The following ABLIM1 variants were observed in gnomAD, a reference collection of about 807,000 sequenced individuals.
The protein encoded by ABLIM1 is actin-binding LIM protein 1.
ABLIM1 carries 40 observed loss-of-function variants against 107.0 expected under a neutral mutation model. The observed-to-expected ratio is 0.37, with a 90% CI of 0.29 to 0.49. The LOEUF (loss-of-function observed/expected upper bound fraction) is 0.49, where lower values mean the gene tolerates loss of function less well. ABLIM1 is among the 20% of genes least tolerant of loss of function. ABLIM1 has a pLI of 0.97. For synonymous variants in ABLIM1, 357 were observed against 357.3 expected, an observed-to-expected ratio of 1.00 and a Z score of 0.01; for missense variants, 857 against 1,008.5, an observed-to-expected ratio of 0.85 and a Z score of 2.04.
At chr10:114,664,261 G>A (rs2079915474) in intron 1 of ABLIM1, among the ~76,000 whole-genome samples, 1 of 152,158 alleles carries the variant, frequency 6.6e-6, no homozygotes, top group Admixed American at 6.5e-5. Flanking sequence ...TTGAGACTGT[G>A]AGCTAACTAA....
the ABLIM1 span, among the ~76,000 whole-genome samples, chr10:114,789,880 C>A: frequency 6.6e-6 from 1 of 151,806 alleles, no homozygotes; most frequent in Non-Finnish European, 1.5e-5. Flanking sequence ...GCAACCTTCA[C>A]TTCCTGGGTT....
At chr10:114,576,234 C>T (rs993013733) in intron 2 of ABLIM1, among the ~76,000 whole-genome samples, 5 of 152,164 alleles carry the variant, frequency 3.3e-5, no homozygotes, top group African/African-American at 7.2e-5. Flanking sequence ...CATCTCCTTC[C>T]GACTGTGCAG....
intron 1 of ABLIM1, among the ~76,000 whole-genome samples, chr10:114,702,572 G>A (rs2081328575): frequency 6.7e-6 from 1 of 148,422 alleles, no homozygotes; most frequent in African/African-American, 2.5e-5. Flanking sequence ...TGTCTCCCAG[G>A]CTGGAGTGCA....
At chr10:114,724,996 GTTTCTCT>G (rs1663395863) in intron 1 of ABLIM1, among the ~76,000 whole-genome samples, 1 of 152,146 alleles carries the variant, frequency 6.6e-6, no homozygotes, top group Non-Finnish European at 1.5e-5. Flanking sequence ...GTAAAATGAT[GTTTCTCT>G]TTTCTCTTTT....
intron 6 of ABLIM1, among the ~76,000 whole-genome samples, chr10:114,538,468 G>T (rs1489513799): frequency 6.6e-6 from 1 of 152,154 alleles, no homozygotes; most frequent in Non-Finnish European, 1.5e-5. Flanking sequence ...TCCATCTGAG[G>T]CTCTTTCTTA....
intron 6 of ABLIM1, among the ~76,000 whole-genome samples, chr10:114,540,696 G>T (rs1041216186): frequency 3.3e-5 from 5 of 152,090 alleles, no homozygotes; most frequent in African/African-American, 1.2e-4. Context: ...TTTCTCAAAG[G>T]TCCCTCAGGT....
chr10:114,437,027 T>C (rs2059507703), intron 22 of ABLIM1, among the ~76,000 whole-genome samples: 1 of 152,194 alleles, frequency 6.6e-6, no homozygotes, highest in Non-Finnish European at 1.5e-5. Context: ...AAGGAGATCT[T>C]GGGTACATGT....
In ABLIM1 at chr10:114,608,138, G is replaced by A. The variant is rs578124831; in HGVS notation, c.245-6177C>T. Among the ~76,000 whole-genome samples the A allele has an allele frequency of 4.0e-4, 61 of 152,316 alleles. No homozygotes were observed. In the East Asian group the frequency reaches 9.4e-3, roughly 24 times the overall value. On this transcript the variant is annotated intron_variant, in intron 1 of 22. Coordinates refer to ENST00000533213, the MANE Select transcript of ABLIM1 (RefSeq NM_002313.7). ...CCAGAATTCTGGGAGGCCAAGGTGC[G>A]TGGATCATTTGAGGTCAGGAGTTCA... is the stretch of plus-strand genomic sequence containing the variant.
intron 8 of ABLIM1, among the ~76,000 whole-genome samples, chr10:114,477,639 T>A (rs1262594434): frequency 2.6e-5 from 4 of 152,186 alleles, no homozygotes; most frequent in Non-Finnish European, 4.4e-5. Flanking sequence ...GGAAGGGTCT[T>A]TAACAGCACC....
intron 1 of ABLIM1, among the ~76,000 whole-genome samples, chr10:114,618,977 G>C (rs935253342): frequency 2.6e-5 from 4 of 152,038 alleles, no homozygotes; most frequent in Non-Finnish European, 5.9e-5. Flanking sequence ...TGTTGCAAAA[G>C]TCCAAGTGCT....
rs530850385 is a variant in ABLIM1, at chr10:114,571,361, G to C, written c.609C>G (p.Asp203Glu). Residue 203 changes from aspartate (D) to glutamate (E), a missense_variant, in exon 4 of 23, where the codon GAC (aspartate) becomes GAG (glutamate). Transcript: ENST00000533213. ...GCTGTGCACAGAGTTGACAAAGGCA[G>C]TCTCTCCCATTGAATGTGACTCGGT... The part of the protein sequence containing the change: ...PGDRVTFNGR[D>E]CLCQLCAQPM... The C allele has an allele frequency of 6.2e-7, 1 of 1,614,232 alleles. No individual in the cohort carries two copies. Among genetic ancestry groups the C allele is most frequent in the South Asian group, 1.1e-5 (1 of 91,082 alleles).
the ABLIM1 span, among the ~76,000 whole-genome samples, chr10:114,782,793 A>G: frequency 6.6e-6 from 1 of 152,100 alleles, no homozygotes; most frequent in African/African-American, 2.4e-5. Context: ...TGTGATGGGA[A>G]TAAAGCTGAA....
chr10:114,571,504 T>A (rs1190326660), intron 3 of ABLIM1, 98 bp from the exon 4 acceptor site: 1 of 1,192,088 alleles, frequency 8.4e-7, no homozygotes, highest in Non-Finnish European at 1.2e-6. Flanking sequence ...CATTTATTTC[T>A]TGGAGAAGCA....
chr10:114,465,635 G>A lies in ABLIM1; in HGVS notation c.1441+63C>T, dbSNP rs991590893. ...ATTTTTCAATGTGCTATCAATAGTA[G>A]GGGAAAAAATCACAGAAACATAGTT... On this transcript the variant is annotated intron_variant, in intron 12 of 22. Coordinates refer to ENST00000533213, the MANE Select transcript of ABLIM1 (RefSeq NM_002313.7). 17 of 1,580,712 alleles carry A rather than the reference G, an allele frequency of 1.1e-5. No individual in the cohort carries two copies. In the East Asian group the frequency reaches 3.8e-4, roughly 36 times the overall value.
intron 6 of ABLIM1, chr10:114,526,865 G>A (rs1348789206): frequency 3.0e-6 from 3 of 985,414 alleles, no homozygotes; most frequent in East Asian, 2.3e-4. Flanking sequence ...CTCTAGAGAC[G>A]CACTCCGGAA....
chr10:114,515,060 G>C (rs1018275127), intron 6 of ABLIM1, among the ~76,000 whole-genome samples: 1 of 152,184 alleles, frequency 6.6e-6, no homozygotes, highest in African/African-American at 2.4e-5. Flanking sequence ...AATGCAGCAG[G>C]GGATGGGTGA....
intron 4 of ABLIM1, among the ~76,000 whole-genome samples, chr10:114,555,246 T>C (rs867152365): frequency 6.6e-6 from 1 of 152,288 alleles, no homozygotes; most frequent in Middle Eastern, 3.4e-3. Context: ...GGGCTCCCAC[T>C]AACCTGGGAG....
intron 1 of ABLIM1, among the ~76,000 whole-genome samples, chr10:114,722,960 G>A (rs1489859722): frequency 6.6e-6 from 1 of 152,116 alleles, no homozygotes; most frequent in Non-Finnish European, 1.5e-5. Flanking sequence ...TGTGTATATA[G>A]CTCGCTTGCA....
intron 1 of ABLIM1, among the ~76,000 whole-genome samples, chr10:114,735,704 G>A (rs1225754201): frequency 2.6e-5 from 4 of 152,276 alleles, no homozygotes; most frequent in Admixed American, 6.5e-5. Context: ...TTTTGACCTC[G>A]TGATCTGCCC....
Sources: gnomAD v4.1 joint callset for allele counts (sites outside exome capture counted in the v4.1 genomes callset) on GRCh38, gnomAD v4.1.1 for gene constraint, MANE v1.5 for transcripts, NCBI Gene and HGNC (gene_info 2026-07-23, HGNC 2026-07-21) for gene names.